Variants in DNAJC24 observed in about 807,000 individuals in gnomAD.
DNAJC24 encodes the protein dnaJ homolog subfamily C member 24.
Under a neutral mutation model 18.0 loss-of-function variants are expected in DNAJC24, and 17 were observed. That is an observed-to-expected ratio of 0.94 (90% confidence interval 0.65 to 1.42). The LOEUF (loss-of-function observed/expected upper bound fraction) is 1.42. Among genes scored for constraint, DNAJC24 ranks in the 40% most tolerant of loss-of-function variants. The probability of loss-of-function intolerance (pLI) is 0.00; values close to 1 mark genes in which losing one functional copy is unlikely to be tolerated. For synonymous variants in DNAJC24, 55 were observed against 57.7 expected (o/e 0.95, Z 0.21); for missense variants, 158 against 175.6 (o/e 0.90, Z 0.57).
chr11:31,419,137 C>G (rs1649556971), intron 3 of DNAJC24, among the ~76,000 whole-genome samples: 1 of 151,982 alleles, frequency 6.6e-6, no homozygotes, highest in African/African-American at 2.4e-5. Flanking sequence ...TAAAGCTGAC[C>G]CTTACAAAAT....
intron 3 of DNAJC24, among the ~76,000 whole-genome samples, chr11:31,419,665 T>TAACCA (rs1952785344): frequency 6.6e-6 from 1 of 152,010 alleles, no homozygotes; most frequent in Admixed American, 6.6e-5. Flanking sequence ...TTTCCAACTT[T>TAACCA]AACCACTCTC....
intron 2 of DNAJC24, among the ~76,000 whole-genome samples, chr11:31,380,018 C>CCT (rs1952361201): frequency 6.6e-6 from 1 of 152,176 alleles, no homozygotes; most frequent in African/African-American, 2.4e-5. Context: ...GATCCACCCG[C>CCT]CTCAGCCTCC....
intron 2 of DNAJC24, among the ~76,000 whole-genome samples, chr11:31,386,878 A>G (rs1952435335): frequency 6.6e-6 from 1 of 152,112 alleles, no homozygotes; most frequent in South Asian, 2.1e-4. Context: ...CCCTGAAGGG[A>G]GAGACCCCGG....
chr11:31,384,930 A>G (rs192717227), intron 2 of DNAJC24: 14 of 152,324 alleles, frequency 9.2e-5, no homozygotes, highest in African/African-American at 3.1e-4. Flanking sequence ...ATAAGCATAT[A>G]ATTTTCAGTT....
At chr11:31,418,551 A>C (rs1301188947) in intron 3 of DNAJC24, among the ~76,000 whole-genome samples, 5 of 152,134 alleles carry the variant, frequency 3.3e-5, no homozygotes. Flanking sequence ...GCAAACCTTG[A>C]AATACATTTA....
chr11:31,426,435 G>T, intron 4 of DNAJC24, 80 bp downstream of exon 4: 1 of 787,094 alleles, frequency 1.3e-6, no homozygotes. Flanking sequence ...TTGGATATTT[G>T]GAAATCTTAA....
Position 31,432,409 on chromosome 11 carries a change from A to G in DNAJC24, c.*2008A>G. On this transcript the variant is annotated 3_prime_UTR_variant, in exon 5 of 5. Coordinates refer to ENST00000465995, the MANE Select transcript of DNAJC24 (RefSeq NM_181706.5). ...TTAAAAACAACTAAAACTGAATAGC[A>G]AATAGTTTATTGGTAAGTACACGGT... The G allele has an allele frequency of 1.2e-6, 1 of 842,174 alleles. No individual in the cohort carries two copies. The allele number at this position is 842,174 out of a possible 1,614,324, so 52.2% of individuals were successfully genotyped here.
chr11:31,408,496 C>A (rs952880576), intron 2 of DNAJC24, among the ~76,000 whole-genome samples: 4 of 152,112 alleles, frequency 2.6e-5, no homozygotes, highest in Non-Finnish European at 4.4e-5. Flanking sequence ...ACTTTAAAAT[C>A]AAAATAAAAT....
intron 3 of DNAJC24, chr11:31,415,224 C>A: frequency 3.4e-6 from 1 of 298,186 alleles, no homozygotes; most frequent in Non-Finnish European, 6.2e-6. Context: ...ACATTACTAA[C>A]TAATATGCTT....
intron 3 of DNAJC24, among the ~76,000 whole-genome samples, chr11:31,419,824 CAG>C (rs200316450): frequency 0.01 from 1,580 of 152,160 alleles, 17 homozygotes; most frequent in Non-Finnish European, 0.014. Context: ...GTCAATGAAT[CAG>C]AAATGCCAGT....
chr11:31,399,909 C>G (rs928101621), intron 2 of DNAJC24, among the ~76,000 whole-genome samples: 1 of 152,146 alleles, frequency 6.6e-6, no homozygotes, highest in Middle Eastern at 3.4e-3. Flanking sequence ...TCTCCCTCCC[C>G]CTGTCCTCCA....
chr11:31,432,622 C>T lies in DNAJC24; in HGVS notation c.*2221C>T. 8.8e-7 allele frequency: 1 copy of T among 1,139,864 alleles called. No homozygotes were observed. Among genetic ancestry groups the T allele is most frequent in the Non-Finnish European group, 1.3e-6 (1 of 748,180 alleles). 70.6% of individuals were successfully genotyped at this position (1,139,864 alleles called of 1,614,324 possible). On this transcript the variant is annotated 3_prime_UTR_variant, in exon 5 of 5. Transcript: ENST00000465995. ...ATTAGTGAAAGTAATGTTATAGTAT[C>T]ATCATATTCCCTTTTGCTATCTGTC...
At chr11:31,425,049 A>C (rs922681839) in intron 3 of DNAJC24, among the ~76,000 whole-genome samples, 3 of 152,100 alleles carry the variant, frequency 2.0e-5, no homozygotes, top group Non-Finnish European at 2.9e-5. Flanking sequence ...CTTTTAAAAC[A>C]AAGACAAATG....
At chr11:31,411,456 C>A (rs1952708818) in intron 2 of DNAJC24, among the ~76,000 whole-genome samples, 1 of 152,134 alleles carries the variant, frequency 6.6e-6, no homozygotes, top group South Asian at 2.1e-4. Context: ...CTGGAGAAGT[C>A]CAAAATAATT....
rs149056757 is a variant in DNAJC24 at position 31,377,511 on chromosome 11, G to A, written c.111+6652G>A. Among the ~76,000 whole-genome samples, 513 of 151,980 alleles carry A rather than the reference G, an allele frequency of 3.4e-3. 26 individuals carry two copies. In the East Asian group the frequency reaches 0.088, roughly 26 times the overall value. On this transcript the variant is annotated intron_variant, in intron 2 of 4. Transcript: ENST00000465995. The stretch of plus-strand genomic sequence containing the variant: ...AAAGTAATTGAACCAACATTTTTCA[G>A]CACTGTTTTATTAATAGGGACTTTA...
At chr11:31,377,628 G>T (rs1952331209) in intron 2 of DNAJC24, among the ~76,000 whole-genome samples, 1 of 151,964 alleles carries the variant, frequency 6.6e-6, no homozygotes, top group Admixed American at 6.5e-5. Flanking sequence ...GCTTTGAAAT[G>T]GTCTAGGGTC....
intron 4 of DNAJC24, chr11:31,426,597 TA>T: frequency 2.9e-6 from 1 of 346,282 alleles, no homozygotes; most frequent in Non-Finnish European, 5.1e-6. Context: ...GTTAGGAACA[TA>T]AAGTTTCATA....
chr11:31,383,791 C>T (rs190353993), intron 2 of DNAJC24, among the ~76,000 whole-genome samples: 137 of 152,388 alleles, frequency 9.0e-4, no homozygotes, highest in African/African-American at 3.1e-3. Context: ...TGCAGCCTTT[C>T]GTCCTAATGT....
At chr11:31,419,500 C>CGAT (rs1402696410) in intron 3 of DNAJC24, among the ~76,000 whole-genome samples, 2 of 151,976 alleles carry the variant, frequency 1.3e-5, no homozygotes, top group East Asian at 3.9e-4. Flanking sequence ...ATTTTAGGAT[C>CGAT]ATTTCTCATT....
Sources: allele counts gnomAD v4.1 joint callset (sites outside exome capture counted in the v4.1 genomes callset), GRCh38; gene constraint gnomAD v4.1.1; transcripts MANE v1.5; gene names NCBI Gene and HGNC (gene_info 2026-07-23, HGNC 2026-07-21).